TEAD1: variants seen among roughly 807,000 people sequenced by gnomAD.
The protein encoded by TEAD1 is TEA domain transcription factor 1, also known as transcriptional enhancer factor TEF-1.
TEAD1 carries 9 observed loss-of-function variants against 54.9 expected under a neutral mutation model. The observed-to-expected ratio is 0.16, with a 90% CI of 0.10 to 0.29. The LOEUF (loss-of-function observed/expected upper bound fraction) is 0.29. TEAD1 is among the 10% of genes least tolerant of loss of function. The pLI is 1.00. For missense variants in TEAD1, 387 were observed against 535.9 expected (o/e 0.72, Z 2.74); for synonymous variants, 200 against 187.8 (o/e 1.07, Z -0.53).
At position 12,937,268 on chromosome 11, in the gene TEAD1, T is replaced by C. The variant is rs770115710; in HGVS notation, c.*46T>C. ...AGATATCTGTATATACACACACACATATGTGCACACACACACTCTCTCTCC... is the reference window on the plus strand; with the variant it reads ...AGATATCTGTATATACACACACACACATGTGCACACACACACTCTCTCTCC... On this transcript the variant is annotated 3_prime_UTR_variant, in exon 13 of 13. Transcript: ENST00000527636. 7 of 1,330,720 alleles carry C rather than the reference T, an allele frequency of 5.3e-6. No homozygotes were observed. The highest frequency in any genetic ancestry group is 4.9e-5 in the East Asian group (2 of 40,716). 82.4% of individuals were successfully genotyped at this position (1,330,720 alleles called of 1,614,324 possible). A position where few individuals can be genotyped will look rare whatever the true frequency, so the allele number is the denominator to read the frequency against.
At chr11:12,735,846 A>G (rs1461724840) in intron 2 of TEAD1, among the ~76,000 whole-genome samples, 2 of 152,160 alleles carry the variant, frequency 1.3e-5, no homozygotes, top group Non-Finnish European at 2.9e-5. Context: ...TCTCTCCATC[A>G]CAGAACCCTG....
At chr11:12,850,469 G>A (rs1164546175) in intron 3 of TEAD1, among the ~76,000 whole-genome samples, 1 of 152,206 alleles carries the variant, frequency 6.6e-6, no homozygotes, top group African/African-American at 2.4e-5. Context: ...TAGAGCCCCA[G>A]AAGGTGCCAG....
At chr11:12,777,310 G>A (rs1374899587) in intron 3 of TEAD1, among the ~76,000 whole-genome samples, 3 of 152,170 alleles carry the variant, frequency 2.0e-5, no homozygotes, top group African/African-American at 4.8e-5. Flanking sequence ...TTTAACATAT[G>A]TTAATAAGCT....
At chr11:12,826,357 G>A (rs28621991) in intron 3 of TEAD1, among the ~76,000 whole-genome samples, 6,933 of 152,192 alleles carry the variant, frequency 0.046, 569 homozygotes, top group African/African-American at 0.16. Context: ...TAGTTCCTTG[G>A]AGAAGTACAT....
intron 2 of TEAD1, among the ~76,000 whole-genome samples, chr11:12,690,363 A>G (rs546612693): frequency 2.4e-4 from 37 of 152,264 alleles, no homozygotes; most frequent in African/African-American, 7.9e-4. Context: ...GAGGGTCCCA[A>G]ACCAGATCAA....
intron 3 of TEAD1, among the ~76,000 whole-genome samples, chr11:12,835,567 G>T (rs529200623): frequency 1.3e-5 from 2 of 151,146 alleles, no homozygotes; most frequent in Non-Finnish European, 2.9e-5. Flanking sequence ...TGATCCGCCC[G>T]CCTTGGCCTC....
intron 5 of TEAD1, among the ~76,000 whole-genome samples, chr11:12,878,186 C>T (rs965762532): frequency 6.6e-5 from 10 of 151,964 alleles, no homozygotes; most frequent in African/African-American, 1.9e-4. Context: ...GTCTTCCTGA[C>T]AGTTATAGGG....
At chr11:12,820,506 G>A (rs1031488316) in intron 3 of TEAD1, among the ~76,000 whole-genome samples, 8 of 152,130 alleles carry the variant, frequency 5.3e-5, no homozygotes, top group East Asian at 1.9e-4. Flanking sequence ...GACATGTCAC[G>A]GAGCCTGTTT....
chr11:12,915,269 G>A (rs1948689953), intron 10 of TEAD1, among the ~76,000 whole-genome samples: 1 of 152,126 alleles, frequency 6.6e-6, no homozygotes, highest in South Asian at 2.1e-4. Context: ...TCCGCCAAAT[G>A]CTGCCACCGC....
At chr11:12,759,443 C>A (rs1279952065) in intron 2 of TEAD1, among the ~76,000 whole-genome samples, 4 of 149,370 alleles carry the variant, frequency 2.7e-5, no homozygotes, top group Admixed American at 2.6e-4. Flanking sequence ...TATTTGGATT[C>A]ATAGAGTTTG....
rs145615839 is a variant in TEAD1 at position 12,866,335 on chromosome 11, A to G, written c.330+1435A>G. ...CATCTGTGATGATATGAATTGCTCT[A>G]TTTCTGCACTGTCTGTGTGGTTCCT... On this transcript the variant is annotated intron_variant, in intron 5 of 12. Coordinates refer to ENST00000527636, the MANE Select transcript of TEAD1 (RefSeq NM_021961.6). Among the ~76,000 whole-genome samples the G allele has an allele frequency of 1.1e-4, 17 of 152,280 alleles. No individual in the cohort carries two copies. In the East Asian group the frequency reaches 2.3e-3, roughly 21 times the overall value.
chr11:12,727,990 T>C (rs1053459730), intron 2 of TEAD1, among the ~76,000 whole-genome samples: 18 of 152,150 alleles, frequency 1.2e-4, no homozygotes, highest in Admixed American at 1.2e-3. Context: ...CACTGTTTCC[T>C]GAAAACCTGG....
rs184475515 is a variant in TEAD1, at chr11:12,898,725, A to T, written c.700-3215A>T. The stretch of plus-strand genomic sequence containing the variant: ...AAACATTTCTTATATGGCAGGTCCT[A>T]TGCCAAGCACCTTCTGAGCATTAGC... On this transcript the variant is annotated intron_variant, in intron 9 of 12. Coordinates refer to ENST00000527636, the MANE Select transcript of TEAD1 (RefSeq NM_021961.6). 2.6e-4 allele frequency among the ~76,000 whole-genome samples: 39 copies of T among 152,194 alleles called. 2 individuals are homozygous for T. Among genetic ancestry groups the T allele is most frequent in the Non-Finnish European group, 1.0e-4 (7 of 68,044 alleles).
In TEAD1 at chr11:12,879,709, A is replaced by G. The variant is rs1424337592; in HGVS notation, c.332A>G (p.Asp111Gly). 34 of 1,614,068 alleles carry G rather than the reference A, an allele frequency of 2.1e-5. No homozygotes were observed. The highest frequency in any genetic ancestry group is 2.7e-5 in the African/African-American group (2 of 74,918). Residue 111 changes from aspartate (D) to glycine (G), a missense_variant and splice_region_variant, in exon 6 of 13, where the codon GAT becomes GGT. Physicochemically the swap from Asp to Gly is moderately conservative, Grantham distance 94 (BLOSUM62 -1). This residue lies in a region of TEAD1 where 22 missense variants were observed against 43.2 expected (regional missense o/e 0.51). Transcript: ENST00000527636. ...TGGTGTGTCACTGTCACCTTCAAGG[A>G]TCAGACTGCAAAGGATAAGGCCCTG...
intron 2 of TEAD1, among the ~76,000 whole-genome samples, chr11:12,680,869 G>C (rs1263693993): frequency 6.6e-6 from 1 of 152,192 alleles, no homozygotes; most frequent in Admixed American, 6.5e-5. Context: ...GCAGAACTTG[G>C]GGCACCATAT....
intron 2 of TEAD1, among the ~76,000 whole-genome samples, chr11:12,750,908 T>G (rs1350360810): frequency 6.6e-6 from 1 of 152,236 alleles, no homozygotes; most frequent in Non-Finnish European, 1.5e-5. Flanking sequence ...GACATATTTA[T>G]TCACCTGTTC....
At chr11:12,879,526 G>T in intron 5 of TEAD1, 182 bp from the exon 6 acceptor site, 1 of 745,678 alleles carries the variant, frequency 1.3e-6, no homozygotes, top group Non-Finnish European at 2.3e-6. Flanking sequence ...TAAATGTTGA[G>T]AGGTACGGTA....
At chr11:12,774,503 G>A (rs1385268103) in intron 3 of TEAD1, among the ~76,000 whole-genome samples, 1 of 152,140 alleles carries the variant, frequency 6.6e-6, no homozygotes, top group Non-Finnish European at 1.5e-5. Context: ...GGGACAGGAG[G>A]TATATCAAGG....
intron 5 of TEAD1, among the ~76,000 whole-genome samples, chr11:12,868,361 G>T (rs543601992): frequency 1.2e-4 from 19 of 152,270 alleles, no homozygotes; most frequent in African/African-American, 3.9e-4. Flanking sequence ...TACCTCTTAT[G>T]CTGTCCCTTC....
Sources: allele counts gnomAD v4.1 joint callset (sites outside exome capture counted in the v4.1 genomes callset), GRCh38; gene constraint gnomAD v4.1.1; regional missense constraint gnomAD v4.1.1; transcripts MANE v1.5; gene names NCBI Gene and HGNC (gene_info 2026-07-23, HGNC 2026-07-21).